LIPA: variants seen among roughly 807,000 people sequenced by gnomAD.
LIPA encodes the protein lipase A, lysosomal acid type, also known as lysosomal acid lipase/cholesteryl ester hydrolase.
LIPA carries 26 observed loss-of-function variants against 40.6 expected under a neutral mutation model. The ratio of observed to expected loss-of-function variants is 0.64; its 90% CI spans 0.47 to 0.89. LIPA has a LOEUF of 0.89. Among genes scored for constraint, LIPA ranks in the 40% least tolerant of loss-of-function variants. The pLI is 0.00. For synonymous variants in LIPA, 188 were observed against 168.4 expected (o/e 1.12, Z -0.90); for missense variants, 455 against 479.6 (o/e 0.95, Z 0.48).
chr10:89,375,894 G>C (rs938417937), intron 2 of LIPA, among the ~76,000 whole-genome samples: 19 of 152,078 alleles, frequency 1.2e-4, no homozygotes, highest in African/African-American at 4.6e-4. Context: ...GTGCTTGTAA[G>C]ATGTCAAGAC....
intron 1 of LIPA, among the ~76,000 whole-genome samples, chr10:89,321,780 T>A (rs183307801): frequency 6.6e-6 from 1 of 152,352 alleles, no homozygotes; most frequent in Non-Finnish European, 1.5e-5. Flanking sequence ...GTATGTTTAT[T>A]GCAGCACTAT....
intron 2 of LIPA, among the ~76,000 whole-genome samples, chr10:89,379,706 T>G (rs73369727): frequency 6.6e-6 from 1 of 151,736 alleles, no homozygotes; most frequent in South Asian, 2.1e-4. Flanking sequence ...AGTACCCAAG[T>G]CTCTCTTTTT....
intron 1 of LIPA, 109 bp from the exon 2 acceptor site, chr10:89,247,758 A>G: frequency 1.4e-6 from 1 of 732,340 alleles, no homozygotes; most frequent in East Asian, 2.7e-5. Context: ...AGGGCAAGTA[A>G]AAGGTGAAAG....
At chr10:89,291,850 A>G (rs1194408637) in intron 1 of LIPA, 1 of 152,230 alleles carries the variant, frequency 6.6e-6, no homozygotes, top group Non-Finnish European at 1.5e-5. Flanking sequence ...CTGCAGCTAC[A>G]TGAACTAACC....
rs532740212 is a variant in LIPA at position 89,228,256 on chromosome 10, G to C, written c.372C>G (p.Thr124=). 172 of 1,614,154 alleles carry C rather than the reference G, an allele frequency of 1.1e-4. No individual in the cohort carries two copies. Among genetic ancestry groups the C allele is most frequent in the Non-Finnish European group, 1.3e-4 (156 of 1,180,020 alleles). Residue 124 remains threonine, a synonymous_variant, in exon 4 of 10, where the codon ACC becomes ACG. Coordinates refer to ENST00000336233, the MANE Select transcript of LIPA (RefSeq NM_000235.4). ...DVWMGNSRGN[T]WSRKHKTLSV... Reference sequence around the variant, plus strand: ...AGAGTGTCTTATGTTTCCGAGACCAGGTATTTCCTCTGCTGTTGCCCATCC... The same window carrying C: ...AGAGTGTCTTATGTTTCCGAGACCACGTATTTCCTCTGCTGTTGCCCATCC...
chr10:89,377,704 G>T (rs531829333), intron 2 of LIPA, among the ~76,000 whole-genome samples: 2 of 152,104 alleles, frequency 1.3e-5, no homozygotes, highest in Non-Finnish European at 2.9e-5. Context: ...ACCACCTGGC[G>T]GGATACATGT....
rs1843985438 is a variant in LIPA, at chr10:89,355,816, A to C, written c.61+56975T>G. Among the ~76,000 whole-genome samples the C allele has an allele frequency of 2.0e-5, 3 of 152,216 alleles. No homozygotes were observed. In the South Asian group the frequency reaches 6.2e-4, roughly 32 times the overall value. On this transcript the variant is annotated intron_variant, in intron 2 of 8. Transcript: ENST00000371837. ...TTATAATTTAGCATTAGCATGCTAA[A>C]AGACACTCCCATCAGCGCCATGGCA...
chr10:89,226,089 C>A (rs1842766727), intron 5 of LIPA, among the ~76,000 whole-genome samples: 1 of 152,108 alleles, frequency 6.6e-6, no homozygotes. Flanking sequence ...TGCCACCTGG[C>A]CCCAGAATGT....
chr10:89,243,735 C>A lies in LIPA; in HGVS notation c.229+1941G>T, dbSNP rs191407307. ...TTTCTTCATATTCCAGGGCACTGCACCTTCCCCTGCAACAGTGTGATACAC... is the reference window on the plus strand; with the variant it reads ...TTTCTTCATATTCCAGGGCACTGCAACTTCCCCTGCAACAGTGTGATACAC... On this transcript the variant is annotated intron_variant, in intron 3 of 9. Coordinates refer to ENST00000336233, the MANE Select transcript of LIPA (RefSeq NM_000235.4). Among the ~76,000 whole-genome samples the A allele has an allele frequency of 1.2e-4, 18 of 152,274 alleles. No individual in the cohort carries two copies. In the East Asian group the frequency reaches 3.5e-3, roughly 29 times the overall value.
At chr10:89,293,685 AG>A (rs1843391313) in intron 1 of LIPA, 1 of 142,346 alleles carries the variant, frequency 7.0e-6, no homozygotes, top group Non-Finnish European at 1.5e-5. Flanking sequence ...GAGATGAGAG[AG>A]AGAGAGAGAG....
upstream of LIPA, among the ~76,000 whole-genome samples, chr10:89,254,205 G>A (rs764545041): frequency 6.6e-6 from 1 of 152,230 alleles, no homozygotes; most frequent in Non-Finnish European, 1.5e-5. Context: ...CCTAGCCCAG[G>A]CTCTCCTTGA....
chr10:89,369,159 A>T (rs1473202319), intron 2 of LIPA, among the ~76,000 whole-genome samples: 1 of 152,204 alleles, frequency 6.6e-6, no homozygotes, highest in African/African-American at 2.4e-5. Flanking sequence ...CAACAGAAGC[A>T]TTCTACTTGT....
intron 1 of LIPA, among the ~76,000 whole-genome samples, chr10:89,281,711 G>A (rs1345334720): frequency 6.6e-6 from 1 of 152,232 alleles, no homozygotes; most frequent in Non-Finnish European, 1.5e-5. Context: ...TCAATAGTTT[G>A]TGAAAACATC....
At chr10:89,243,408 A>T (rs1397125755) in intron 3 of LIPA, among the ~76,000 whole-genome samples, 1 of 152,180 alleles carries the variant, frequency 6.6e-6, no homozygotes, top group Non-Finnish European at 1.5e-5. Context: ...GTGATCCCCT[A>T]CAGGGAGGGC....
At chr10:89,373,429 G>A (rs1325756069) in intron 2 of LIPA, among the ~76,000 whole-genome samples, 2 of 151,990 alleles carry the variant, frequency 1.3e-5, no homozygotes, top group Non-Finnish European at 2.9e-5. Context: ...GACCCCTGAG[G>A]TGGTATGAAG....
chr10:89,286,192 C>A (rs1005084313), intron 1 of LIPA, among the ~76,000 whole-genome samples: 2 of 152,112 alleles, frequency 1.3e-5, no homozygotes, highest in African/African-American at 4.8e-5. Flanking sequence ...CCTCGTCCCT[C>A]CCTAATCTCT....
chr10:89,272,579 T>C (rs1254381364), intron 1 of LIPA, among the ~76,000 whole-genome samples: 1 of 152,240 alleles, frequency 6.6e-6, no homozygotes, highest in Admixed American at 6.5e-5. Flanking sequence ...GTCTTTATAA[T>C]AGAATGATTT....
At chr10:89,380,452 T>C (rs896871731) in intron 2 of LIPA, among the ~76,000 whole-genome samples, 4 of 145,312 alleles carry the variant, frequency 2.8e-5, no homozygotes, top group East Asian at 4.4e-4. Flanking sequence ...TTTTTTTTTT[T>C]CCAGACAGGG....
At chr10:89,402,390 G>A (rs1221854926) in intron 2 of LIPA, 1 of 1,614,058 alleles carries the variant, frequency 6.2e-7, no homozygotes, top group Non-Finnish European at 8.5e-7. Flanking sequence ...AGAAAACAGA[G>A]TCTTGGATCA....
Sources: gnomAD v4.1 joint callset for allele counts (sites outside exome capture counted in the v4.1 genomes callset) on GRCh38, gnomAD v4.1.1 for gene constraint, MANE v1.5 for transcripts, NCBI Gene and HGNC (gene_info 2026-07-23, HGNC 2026-07-21) for gene names.